The following PLCB1 variants were observed in gnomAD, a reference collection of about 807,000 sequenced individuals.
PLCB1 encodes 1-phosphatidylinositol 4,5-bisphosphate phosphodiesterase beta-1.
A neutral mutation model predicts 161.8 loss-of-function variants in PLCB1; 46 were observed. That is an observed-to-expected ratio of 0.28 (90% CI 0.22 to 0.36). The LOEUF is 0.36. Among genes scored for constraint, PLCB1 ranks in the 10% least tolerant of loss-of-function variants. PLCB1 has a pLI of 1.00. For synonymous variants in PLCB1, 517 were observed against 503.7 expected, an observed-to-expected ratio of 1.03 and a Z score of -0.35; for missense variants, 1,016 against 1,472.5, an observed-to-expected ratio of 0.69 and a Z score of 5.07.
intron 2 of PLCB1, among the ~76,000 whole-genome samples, chr20:8,242,286 C>T (rs532751408): frequency 5.3e-5 from 8 of 152,046 alleles, no homozygotes; most frequent in East Asian, 1.9e-4. Context: ...CCAGATTCCA[C>T]GGGCCAGATG....
chr20:8,682,150 TA>T (rs910928678), intron 9 of PLCB1, among the ~76,000 whole-genome samples: 265 of 152,162 alleles, frequency 1.7e-3, no homozygotes, highest in African/African-American at 6.3e-3. Context: ...GGAAAAGAGA[TA>T]GGGGAGAAGG....
intron 3 of PLCB1, among the ~76,000 whole-genome samples, chr20:8,410,577 A>C (rs1600382356): frequency 1.3e-5 from 2 of 152,198 alleles, no homozygotes; most frequent in East Asian, 3.9e-4. Context: ...CTGATGCATG[A>C]ACCACACTTG....
At chr20:8,643,956 G>A (rs1989050392) in intron 4 of PLCB1, among the ~76,000 whole-genome samples, 1 of 152,200 alleles carries the variant, frequency 6.6e-6, no homozygotes. Flanking sequence ...CGCCACGCCT[G>A]ACTGGTTTTC....
intron 3 of PLCB1, among the ~76,000 whole-genome samples, chr20:8,518,818 C>T (rs2122875489): frequency 6.6e-6 from 1 of 151,880 alleles, no homozygotes; most frequent in South Asian, 2.1e-4. Context: ...AATGGGAACC[C>T]TAAGCTTGTT....
chr20:8,515,558 A>C (rs964738626), intron 3 of PLCB1, among the ~76,000 whole-genome samples: 2 of 152,180 alleles, frequency 1.3e-5, no homozygotes, highest in African/African-American at 2.4e-5. Flanking sequence ...CTCAGAGAGC[A>C]GCTAATTAGA....
intron 2 of PLCB1, among the ~76,000 whole-genome samples, chr20:8,208,132 A>G (rs1294444779): frequency 6.6e-6 from 1 of 152,060 alleles, no homozygotes; most frequent in African/African-American, 2.4e-5. Context: ...TATTTGAACC[A>G]CACCGTAGAT....
intron 2 of PLCB1, among the ~76,000 whole-genome samples, chr20:8,324,199 GGTGT>G (rs60079589): frequency 0.069 from 10,153 of 146,750 alleles, 368 homozygotes; most frequent in Middle Eastern, 0.17. Flanking sequence ...AACTGGTAGG[GGTGT>G]GTGTGTGTGT....
chr20:8,779,181 C>A (rs931327807), intron 27 of PLCB1, among the ~76,000 whole-genome samples: 1 of 152,028 alleles, frequency 6.6e-6, no homozygotes, highest in South Asian at 2.1e-4. Context: ...ATCCACAGTT[C>A]GAGAGTTAAG....
At chr20:8,679,708 G>A (rs6140686) in intron 9 of PLCB1, among the ~76,000 whole-genome samples, 12,399 of 152,174 alleles carry the variant, frequency 0.081, 710 homozygotes, top group East Asian at 0.17. Flanking sequence ...GTTTGTTTAT[G>A]AAGACTTTTA....
At chr20:8,607,719 C>A (rs2123161768) in intron 3 of PLCB1, among the ~76,000 whole-genome samples, 1 of 152,208 alleles carries the variant, frequency 6.6e-6, no homozygotes, top group Non-Finnish European at 1.5e-5. Flanking sequence ...GTGTTTATTG[C>A]TCTTCTACCT....
chr20:8,859,966 G>A (rs963988420), intron 31 of PLCB1, among the ~76,000 whole-genome samples: 2 of 152,138 alleles, frequency 1.3e-5, no homozygotes, highest in African/African-American at 4.8e-5. Context: ...GAGTCATTGA[G>A]AGAATATAAA....
chr20:8,235,708 T>C (rs879807000), intron 2 of PLCB1, among the ~76,000 whole-genome samples: 28 of 152,214 alleles, frequency 1.8e-4, no homozygotes, highest in African/African-American at 5.5e-4. Context: ...GATGACTGTC[T>C]ACCCTGAAAA....
At chr20:8,838,647 C>T (rs146350473) in intron 31 of PLCB1, among the ~76,000 whole-genome samples, 26 of 152,266 alleles carry the variant, frequency 1.7e-4, no homozygotes, top group African/African-American at 5.3e-4. Flanking sequence ...AATTCGTAAA[C>T]GAAAAGCAGT....
At chr20:8,790,306 C>T in intron 31 of PLCB1, 45 bp downstream of exon 31, 1 of 1,460,896 alleles carries the variant, frequency 6.8e-7, no homozygotes, top group South Asian at 1.2e-5. Flanking sequence ...TATTTGATTT[C>T]CATTTAGTAA....
chr20:8,716,324 C>G lies in PLCB1; in HGVS notation c.1311C>G (p.Leu437=). 6.2e-7 allele frequency: 1 copy of G among 1,613,770 alleles called. No homozygotes were observed. The highest frequency in any genetic ancestry group is 8.5e-7 in the Non-Finnish European group (1 of 1,179,700). Residue 437 remains leucine (L), a synonymous_variant, in exon 13 of 32, where the codon CTC becomes CTG. Coordinates refer to ENST00000338037, the MANE Select transcript of PLCB1 (RefSeq NM_015192.4). ...GACTGATCTTTGGGGATGCCCTTCT[C>G]ATGGAGCCCCTGGAAAAATATCCAG... ...YCRLIFGDAL[L]MEPLEKYPLE...
intron 2 of PLCB1, among the ~76,000 whole-genome samples, chr20:8,197,951 T>C (rs892467513): frequency 3.3e-4 from 50 of 152,314 alleles, no homozygotes; most frequent in Admixed American, 2.2e-3. Context: ...GTCAGGTTTG[T>C]CAAAGATCAG....
intron 3 of PLCB1, among the ~76,000 whole-genome samples, chr20:8,565,813 T>G (rs1986314847): frequency 6.6e-6 from 1 of 152,086 alleles, no homozygotes; most frequent in South Asian, 2.1e-4. Flanking sequence ...TCATGATACC[T>G]GCAAAACGGA....
At chr20:8,439,715 C>G (rs1055903535) in intron 3 of PLCB1, among the ~76,000 whole-genome samples, 2 of 152,166 alleles carry the variant, frequency 1.3e-5, no homozygotes, top group Non-Finnish European at 2.9e-5. Context: ...TTTCTACATT[C>G]TGCCTTATGC....
intron 3 of PLCB1, among the ~76,000 whole-genome samples, chr20:8,612,986 GGAT>G (rs1277833750): frequency 1.3e-5 from 2 of 152,136 alleles, no homozygotes; most frequent in Non-Finnish European, 2.9e-5. Context: ...AGACAGATCT[GGAT>G]GTGAGATGTG....
Sources: gnomAD v4.1 joint callset for allele counts (sites outside exome capture counted in the v4.1 genomes callset) on GRCh38, gnomAD v4.1.1 for gene constraint, MANE v1.5 for transcripts, NCBI Gene and HGNC (gene_info 2026-07-23, HGNC 2026-07-21) for gene names.